The following CNTN1 variants were observed in gnomAD, a reference collection of about 807,000 sequenced individuals.
CNTN1 encodes the protein contactin 1.
CNTN1 carries 38 observed loss-of-function variants against 126.4 expected under a neutral mutation model. That is an observed-to-expected ratio of 0.30 (90% CI 0.23 to 0.39). CNTN1 has a LOEUF of 0.39. CNTN1 is among the 10% of genes least tolerant of loss of function. The pLI is 1.00. For missense variants in CNTN1, 1,009 were observed against 1,248.4 expected (o/e 0.81, Z 2.89); for synonymous variants, 413 against 422.6 (o/e 0.98, Z 0.28).
chr12:40,766,157 A>C (rs1939076884), intron 1 of CNTN1, among the ~76,000 whole-genome samples: 1 of 152,144 alleles, frequency 6.6e-6, no homozygotes, highest in Non-Finnish European at 1.5e-5. Flanking sequence ...CAAGGGTTCG[A>C]GATCAGTCTG....
chr12:40,841,311 A>G (rs145088210), intron 1 of CNTN1, among the ~76,000 whole-genome samples: 2,490 of 151,976 alleles, frequency 0.016, 29 homozygotes, highest in Non-Finnish European at 0.028. Flanking sequence ...ACATAGAAAA[A>G]CCCTGTATCA....
At chr12:40,821,623 A>T (rs1165705715) in intron 1 of CNTN1, among the ~76,000 whole-genome samples, 7 of 152,152 alleles carry the variant, frequency 4.6e-5, no homozygotes, top group Non-Finnish European at 5.9e-5. Context: ...CATTAGGGGA[A>T]ATCTTGGGCA....
chr12:40,971,984 GC>G, intron 15 of CNTN1: 1 of 1,000,446 alleles, frequency 1.0e-6, no homozygotes, highest in South Asian at 4.4e-5. Flanking sequence ...CATTACTCCG[GC>G]AGTCTTTTTT....
At chr12:40,995,886 G>A (rs933644648) in intron 17 of CNTN1, among the ~76,000 whole-genome samples, 1 of 152,164 alleles carries the variant, frequency 6.6e-6, no homozygotes, top group Non-Finnish European at 1.5e-5. Context: ...TTAGTTCTCT[G>A]TTTGCATTGC....
At chr12:40,883,812 GT>G (rs1265813976) in intron 1 of CNTN1, among the ~76,000 whole-genome samples, 1 of 151,508 alleles carries the variant, frequency 6.6e-6, no homozygotes, top group Non-Finnish European at 1.5e-5. Flanking sequence ...GAATTCTTTT[GT>G]TTTTTAATTG....
intron 15 of CNTN1, among the ~76,000 whole-genome samples, chr12:40,963,923 T>G (rs1399154503): frequency 6.6e-6 from 1 of 152,134 alleles, no homozygotes; most frequent in South Asian, 2.1e-4. Flanking sequence ...AAGATTTATT[T>G]TGGAAACCTA....
chr12:40,733,097 G>C (rs1414615223), intron 1 of CNTN1, among the ~76,000 whole-genome samples: 1 of 151,998 alleles, frequency 6.6e-6, no homozygotes, highest in African/African-American at 2.4e-5. Flanking sequence ...GCTCTGAGTG[G>C]AGACAGGTAA....
chr12:40,876,760 T>C (rs1195452737), intron 1 of CNTN1, among the ~76,000 whole-genome samples: 1 of 152,170 alleles, frequency 6.6e-6, no homozygotes, highest in Non-Finnish European at 1.5e-5. Context: ...CAGAAATTTC[T>C]CTGCTTCCTT....
At chr12:40,851,404 CAT>C (rs1419436140) in intron 1 of CNTN1, among the ~76,000 whole-genome samples, 1 of 152,168 alleles carries the variant, frequency 6.6e-6, no homozygotes, top group African/African-American at 2.4e-5. Flanking sequence ...TGCTTTAAAT[CAT>C]ATTTCACAAA....
chr12:41,015,118 T>C (rs1445340719), intron 18 of CNTN1, among the ~76,000 whole-genome samples: 3 of 152,212 alleles, frequency 2.0e-5, no homozygotes, highest in Non-Finnish European at 4.4e-5. Context: ...AATGAATGTT[T>C]AGCAAAACTT....
At chr12:41,038,207 A>G (rs915150040) in intron 23 of CNTN1, among the ~76,000 whole-genome samples, 1 of 152,164 alleles carries the variant, frequency 6.6e-6, no homozygotes, top group African/African-American at 2.4e-5. Context: ...ACTAATTTAC[A>G]TAATTTATTT....
At position 40,908,906 on chromosome 12, in the gene CNTN1, A is replaced by G. The variant is rs1338106055; in HGVS notation, c.61+413A>G. ...ACCACAATGGCAAAGAGAATATAAA[A>G]TATAGTAAATAAAAGAGAGAAAACA... On this transcript the variant is annotated intron_variant, in intron 2 of 23. Coordinates refer to ENST00000551295, the MANE Select transcript of CNTN1 (RefSeq NM_001843.4). Among the ~76,000 whole-genome samples the G allele has an allele frequency of 4.6e-5, 7 of 152,200 alleles. 1 individual carries two copies. The highest frequency in any genetic ancestry group is 1.7e-4 in the African/African-American group (7 of 41,456).
At chr12:40,727,722 C>G (rs903892057) in intron 1 of CNTN1, among the ~76,000 whole-genome samples, 4 of 152,130 alleles carry the variant, frequency 2.6e-5, no homozygotes, top group African/African-American at 9.7e-5. Context: ...ATGCTACACC[C>G]TTTGTCTATA....
At chr12:40,713,687 C>G (rs1251897526) in intron 1 of CNTN1, among the ~76,000 whole-genome samples, 1 of 151,798 alleles carries the variant, frequency 6.6e-6, no homozygotes, top group East Asian at 1.9e-4. Context: ...TAAAAATATG[C>G]CATAAGGCAT....
At chr12:40,830,936 C>CATATAT (rs10592424) in intron 1 of CNTN1, among the ~76,000 whole-genome samples, 66 of 66,100 alleles carry the variant, frequency 1.0e-3, no homozygotes, top group African/African-American at 3.2e-3. Context: ...TATACATATA[C>CATATAT]ATATATATAT....
At chr12:40,747,718 C>T (rs558844276) in intron 1 of CNTN1, among the ~76,000 whole-genome samples, 4 of 152,084 alleles carry the variant, frequency 2.6e-5, no homozygotes, top group South Asian at 2.1e-4. Context: ...TAATAACACA[C>T]GGAGTGGTAA....
chr12:41,071,923 A>G lies in CNTN1; in HGVS notation c.*1888A>G, dbSNP rs1950165811. The G allele has an allele frequency of 6.6e-6, 1 of 152,208 alleles. No individual in the cohort carries two copies. The highest frequency in any genetic ancestry group is 1.5e-5 in the Non-Finnish European group (1 of 68,022). 9.4% of individuals were successfully genotyped at this position (152,208 alleles called of 1,614,324 possible). A position where few individuals can be genotyped will look rare whatever the true frequency, so the allele number is the denominator to read the frequency against. The stretch of plus-strand genomic sequence containing the variant: ...ATAATCAACAACTAAATCTTTTGCC[A>G]AATGCATGCTTGCCTTTTATTTTCT... On this transcript the variant is annotated 3_prime_UTR_variant, in exon 24 of 24. Transcript: ENST00000551295.
chr12:40,795,554 A>G (rs905291392), intron 1 of CNTN1, among the ~76,000 whole-genome samples: 1 of 150,834 alleles, frequency 6.6e-6, no homozygotes, highest in African/African-American at 2.4e-5. Flanking sequence ...GCACATATAT[A>G]TAGGTTCTGT....
intron 1 of CNTN1, among the ~76,000 whole-genome samples, chr12:40,875,896 G>T (rs925538975): frequency 6.6e-6 from 1 of 151,922 alleles, no homozygotes; most frequent in Non-Finnish European, 1.5e-5. Context: ...GCAATTACTA[G>T]GCCATATCAC....
Sources: gnomAD v4.1 joint callset for allele counts (sites outside exome capture counted in the v4.1 genomes callset) on GRCh38, gnomAD v4.1.1 for gene constraint, MANE v1.5 for transcripts, NCBI Gene and HGNC (gene_info 2026-07-23, HGNC 2026-07-21) for gene names.